GRIA3: variants seen among roughly 807,000 people sequenced by gnomAD.
The protein encoded by GRIA3 is glutamate receptor 3.
Under a neutral mutation model 63.0 loss-of-function variants are expected in GRIA3, and 3 were observed. That is an observed-to-expected ratio of 0.05 (90% CI 0.02 to 0.12). The LOEUF is 0.12. GRIA3 is among the 10% of genes least tolerant of loss of function. The probability of loss-of-function intolerance (pLI) is 1.00; values close to 1 mark genes in which losing one functional copy is unlikely to be tolerated. For synonymous variants in GRIA3, 274 were observed against 257.9 expected, an observed-to-expected ratio of 1.06 and a Z score of -0.60; for missense variants, 347 against 700.9, an observed-to-expected ratio of 0.50 and a Z score of 5.70.
At chrX:123,351,002 C>G (rs1249964729) in intron 4 of GRIA3, among the ~76,000 whole-genome samples, 2 of 112,288 alleles carry the variant, frequency 1.8e-5, no homozygotes, top group Non-Finnish European at 3.8e-5. Flanking sequence ...GAATACAGAA[C>G]ATGGATTTGG....
At chrX:123,335,377 C>A (rs763012801) in intron 4 of GRIA3, among the ~76,000 whole-genome samples, 2 of 111,616 alleles carry the variant, frequency 1.8e-5, no homozygotes, top group Non-Finnish European at 3.8e-5. Flanking sequence ...CTAGGAAATA[C>A]CTAGGGAAAA....
At chrX:123,433,798 C>T (rs2045631209) in intron 12 of GRIA3, among the ~76,000 whole-genome samples, 1 of 112,060 alleles carries the variant, frequency 8.9e-6, no homozygotes, top group Non-Finnish European at 1.9e-5. Context: ...TGTCCTGCCT[C>T]GTGAGTTACA....
At chrX:123,363,150 C>T (rs955093064) in intron 5 of GRIA3, among the ~76,000 whole-genome samples, 1 of 112,368 alleles carries the variant, frequency 8.9e-6, no homozygotes, top group African/African-American at 3.2e-5. Context: ...GCACCAAAGG[C>T]AGAGCCAGTC....
intron 2 of GRIA3, among the ~76,000 whole-genome samples, chrX:123,192,280 C>T (rs1048026723): frequency 3.6e-5 from 4 of 111,091 alleles, no homozygotes; most frequent in African/African-American, 1.3e-4. Context: ...CTGAACCTGC[C>T]TATGTGGGCA....
chrX:123,262,335 C>G (rs7058099), intron 3 of GRIA3, among the ~76,000 whole-genome samples: 2 of 110,379 alleles, frequency 1.8e-5, no homozygotes, highest in Admixed American at 1.9e-4. Flanking sequence ...ATTTTCCCCC[C>G]TCAGAGGACA....
Position 123,260,426 on chromosome X carries a change from C to CAGACAGAAAGAA in GRIA3, c.508+6887_508+6888insCAGAAAGAAAGA, listed in dbSNP as rs1556255409. Among the ~76,000 whole-genome samples the CAGACAGAAAGAA allele has an allele frequency of 6.8e-4, 5 of 7,353 alleles. 1 individual carries two copies. Among genetic ancestry groups the CAGACAGAAAGAA allele is most frequent in the African/African-American group, 1.4e-3 (4 of 2,769 alleles). The allele number at this position is 7,353 out of a possible 115,157, so 6.4% of individuals were successfully genotyped here. A position where few individuals can be genotyped will look rare whatever the true frequency, so the allele number is the denominator to read the frequency against. Reference sequence around the variant, plus strand: ...AAAGACAGACAGACAGACAGACAGACAGAAAGAAAGAAAGAAAGAAAGAAA... The same window carrying CAGACAGAAAGAA: ...AAAGACAGACAGACAGACAGACAGACAGACAGAAAGAAAGAAAGAAAGAAAGAAAGAAAGAAA... On this transcript the variant is annotated intron_variant, in intron 3 of 15. Transcript: ENST00000620443.
intron 2 of GRIA3, among the ~76,000 whole-genome samples, chrX:123,220,000 C>A (rs977291430): frequency 8.9e-6 from 1 of 112,352 alleles, no homozygotes; most frequent in African/African-American, 3.2e-5. Flanking sequence ...TAGCACTTGG[C>A]AGGCAGCCTA....
intron 9 of GRIA3, 76 bp downstream of exon 9, chrX:123,403,595 T>G (rs746043875): frequency 1.5e-6 from 1 of 661,797 alleles, no homozygotes. Flanking sequence ...TTTCCACCAG[T>G]AGAAAAGACC....
chrX:123,246,879 CA>C (rs11435824), intron 2 of GRIA3, among the ~76,000 whole-genome samples: 382 of 92,048 alleles, frequency 4.2e-3, no homozygotes, highest in African/African-American at 0.013. Flanking sequence ...TACTGTCTTT[CA>C]AAAAAAAAAA....
intron 2 of GRIA3, among the ~76,000 whole-genome samples, chrX:123,246,993 G>C (rs1035732365): frequency 2.7e-5 from 3 of 110,585 alleles, no homozygotes; most frequent in African/African-American, 9.9e-5. Flanking sequence ...TAATACCACA[G>C]CTTTAGAAAG....
At chrX:123,364,879 C>G (rs927408280) in intron 5 of GRIA3, among the ~76,000 whole-genome samples, 2 of 112,066 alleles carry the variant, frequency 1.8e-5, no homozygotes, top group Non-Finnish European at 3.8e-5. Flanking sequence ...AGACAAATAC[C>G]ACGTGATCTC....
At chrX:123,204,685 C>T in intron 2 of GRIA3, 1 of 1,023,417 alleles carries the variant, frequency 9.8e-7, no homozygotes, top group Non-Finnish European at 1.3e-6. Context: ...TTCCTCAAAT[C>T]CTGTGTTCAG....
rs775664205 is a variant in GRIA3, at chrX:123,392,859, C to T, written c.751-2109C>T. On this transcript the variant is annotated intron_variant, in intron 5 of 15. Transcript: ENST00000620443. ...GAGGCCCCTTTCATTGGAGTTTTAT[C>T]CTCAGCATTTTATTTGAATATAAGT... 4.6e-3 allele frequency among the ~76,000 whole-genome samples: 510 copies of T among 111,976 alleles called. 1 individual carries two copies. The highest frequency in any genetic ancestry group is 7.7e-3 in the Non-Finnish European group (410 of 53,204).
intron 5 of GRIA3, among the ~76,000 whole-genome samples, chrX:123,378,956 T>C (rs2045304380): frequency 9.0e-6 from 1 of 111,174 alleles, no homozygotes; most frequent in Non-Finnish European, 1.9e-5. Context: ...ATAAGTGTAA[T>C]TTTGTTACAT....
chrX:123,224,360 C>T (rs960572390), intron 2 of GRIA3, among the ~76,000 whole-genome samples: 2 of 111,629 alleles, frequency 1.8e-5, no homozygotes, highest in African/African-American at 3.3e-5. Flanking sequence ...ATATAGTCAA[C>T]GCTCTTTTTG....
At chrX:123,332,874 T>C (rs777206536) in intron 4 of GRIA3, among the ~76,000 whole-genome samples, 4 of 111,839 alleles carry the variant, frequency 3.6e-5, no homozygotes, top group East Asian at 5.6e-4. Context: ...ACATTTTCTA[T>C]ACTTAGGATT....
At chrX:123,338,773 A>G (rs1188026957) in intron 4 of GRIA3, among the ~76,000 whole-genome samples, 4 of 111,518 alleles carry the variant, frequency 3.6e-5, no homozygotes, top group Non-Finnish European at 7.5e-5. Flanking sequence ...GCTAGTGTCG[A>G]ACTCCTGACC....
Position 123,189,615 on chromosome X carries a change from C to T in GRIA3, c.268+3625C>T, listed in dbSNP as rs1432943184. On this transcript the variant is annotated intron_variant, in intron 2 of 15. Transcript: ENST00000620443. ...TGCTGTTGTACACCTTTACAGCCAACAAATGTGCTTGTGGATTACGCACTG... is the reference window on the plus strand; with the variant it reads ...TGCTGTTGTACACCTTTACAGCCAATAAATGTGCTTGTGGATTACGCACTG... Among the ~76,000 whole-genome samples, 3 of 112,768 alleles carry T rather than the reference C, an allele frequency of 2.7e-5. No individual in the cohort carries two copies. The Admixed American group carries it at 2.8e-4, about 11-fold the overall frequency.
intron 12 of GRIA3, among the ~76,000 whole-genome samples, chrX:123,445,665 G>C (rs1010174195): frequency 5.3e-5 from 6 of 112,150 alleles, no homozygotes; most frequent in African/African-American, 1.9e-4. Flanking sequence ...CCTGCCTTAA[G>C]TAATCCATTA....
Sources: allele counts gnomAD v4.1 joint callset (sites outside exome capture counted in the v4.1 genomes callset), GRCh38; gene constraint gnomAD v4.1.1; transcripts MANE v1.5; gene names NCBI Gene and HGNC (gene_info 2026-07-23, HGNC 2026-07-21).